The following PRKCE variants were observed in gnomAD, a reference collection of about 807,000 sequenced individuals.
PRKCE encodes protein kinase C epsilon type.
In PRKCE, 16 loss-of-function variants were observed where a neutral mutation model predicts 85.4. The observed-to-expected ratio is 0.19, with a 90% confidence interval of 0.13 to 0.28. The LOEUF (loss-of-function observed/expected upper bound fraction) is 0.28. Ranked by LOEUF, PRKCE falls within the 10% of genes least tolerant of loss-of-function variation. The pLI is 1.00. For synonymous variants in PRKCE, 388 were observed against 371.5 expected (o/e 1.04, Z -0.51); for missense variants, 573 against 975.2 (o/e 0.59, Z 5.49).
chr2:45,741,155 G>A (rs537910630), intron 1 of PRKCE, among the ~76,000 whole-genome samples: 425 of 152,252 alleles, frequency 2.8e-3, no homozygotes, highest in African/African-American at 9.8e-3. Flanking sequence ...TGCTTCTATC[G>A]GTGCCTGTAA....
At chr2:45,842,729 A>T (rs566533219) in intron 1 of PRKCE, among the ~76,000 whole-genome samples, 218 of 152,284 alleles carry the variant, frequency 1.4e-3, no homozygotes, top group African/African-American at 5.0e-3. Flanking sequence ...CTCTCTCTCC[A>T]ATCATGGCAA....
chr2:45,763,054 C>T (rs56381758), intron 1 of PRKCE, among the ~76,000 whole-genome samples: 24,080 of 151,852 alleles, frequency 0.16, 2,379 homozygotes, highest in Middle Eastern at 0.27. Context: ...TGGGTTCACA[C>T]CATTCTCCTG....
intron 2 of PRKCE, among the ~76,000 whole-genome samples, chr2:45,844,867 A>C (rs1393342505): frequency 6.6e-6 from 1 of 151,964 alleles, no homozygotes; most frequent in Non-Finnish European, 1.5e-5. Context: ...GAAGCAATTG[A>C]TTTTTTTCTG....
At chr2:46,045,263 G>A (rs1404093645) in intron 10 of PRKCE, among the ~76,000 whole-genome samples, 1 of 152,226 alleles carries the variant, frequency 6.6e-6, no homozygotes, top group East Asian at 1.9e-4. Context: ...CCTCATGTGT[G>A]AATAAGTTGG....
chr2:45,866,780 C>T lies in PRKCE; in HGVS notation c.412+23717C>T, dbSNP rs889025860. ...TTTCAAGTGCTCAATAGTCAACATGCGTCCAGGGGCTGCCATACTGCACAG... is the reference window on the plus strand; with the variant it reads ...TTTCAAGTGCTCAATAGTCAACATGTGTCCAGGGGCTGCCATACTGCACAG... On this transcript the variant is annotated intron_variant, in intron 2 of 14. Transcript: ENST00000306156. 3.9e-5 allele frequency among the ~76,000 whole-genome samples: 6 copies of T among 152,236 alleles called. No homozygotes were observed. The East Asian group carries it at 5.8e-4, about 15-fold the overall frequency.
chr2:46,058,797 G>A (rs1203024075), intron 10 of PRKCE, among the ~76,000 whole-genome samples: 6 of 152,168 alleles, frequency 3.9e-5, no homozygotes, highest in Admixed American at 3.9e-4. Flanking sequence ...CTAGGTTCAA[G>A]TGATTCTCCC....
intron 6 of PRKCE, among the ~76,000 whole-genome samples, chr2:45,998,476 C>G (rs1296800698): frequency 6.6e-6 from 1 of 152,056 alleles, no homozygotes; most frequent in African/African-American, 2.4e-5. Flanking sequence ...AGCTTTTCTG[C>G]TTTTTTGGGT....
intron 2 of PRKCE, among the ~76,000 whole-genome samples, chr2:45,872,266 G>A (rs1012714329): frequency 6.6e-6 from 1 of 152,118 alleles, no homozygotes; most frequent in African/African-American, 2.4e-5. Flanking sequence ...CATCACGTTG[G>A]GCAGAGAAAA....
chr2:45,678,016 A>G (rs903391616), intron 1 of PRKCE: 7 of 514,416 alleles, frequency 1.4e-5, no homozygotes, highest in Admixed American at 6.4e-5. Flanking sequence ...TTAGAACCCA[A>G]TCGAAGAAGT....
At chr2:46,016,777 C>T (rs1205301994) in intron 10 of PRKCE, among the ~76,000 whole-genome samples, 2 of 151,716 alleles carry the variant, frequency 1.3e-5, no homozygotes, top group South Asian at 2.1e-4. Context: ...GACACGGTGG[C>T]GGGCACCTGT....
intron 10 of PRKCE, among the ~76,000 whole-genome samples, chr2:46,057,322 G>C (rs1015393853): frequency 1.2e-4 from 18 of 152,076 alleles, no homozygotes; most frequent in Non-Finnish European, 1.5e-4. Context: ...GAGAAAATTT[G>C]TTCTTCTTCC....
rs1284332046 is a variant in PRKCE at position 46,148,560 on chromosome 2, C to T, written c.1732-2481C>T. 2.0e-5 allele frequency among the ~76,000 whole-genome samples: 3 copies of T among 152,178 alleles called. No individual in the cohort carries two copies. In the East Asian group the frequency reaches 5.8e-4, roughly 29 times the overall value. ...GCAGCCACTGTAGCACCCAGTGTGC[C>T]CTGAGGCTAGAAGAGAAGGGAGCAT... On this transcript the variant is annotated intron_variant, in intron 12 of 14. Coordinates refer to ENST00000306156, the MANE Select transcript of PRKCE (RefSeq NM_005400.3).
intron 11 of PRKCE, among the ~76,000 whole-genome samples, chr2:46,134,225 C>G (rs1674735632): frequency 6.6e-6 from 1 of 152,180 alleles, no homozygotes; most frequent in African/African-American, 2.4e-5. Context: ...TATTGAGACA[C>G]TGGGATGCAT....
intron 11 of PRKCE, among the ~76,000 whole-genome samples, chr2:46,122,293 G>A (rs1244951672): frequency 5.3e-5 from 8 of 152,046 alleles, no homozygotes; most frequent in Admixed American, 1.3e-4. Context: ...GTGCAGTGGC[G>A]TGATCTTGGC....
intron 10 of PRKCE, among the ~76,000 whole-genome samples, chr2:46,079,175 C>CAA (rs11452307): frequency 0.044 from 5,577 of 126,122 alleles, 208 homozygotes; most frequent in African/African-American, 0.1. Context: ...GACTCTGTCT[C>CAA]AAAAAAAAAA....
At chr2:46,022,008 G>C (rs1037130862) in intron 10 of PRKCE, among the ~76,000 whole-genome samples, 3 of 152,028 alleles carry the variant, frequency 2.0e-5, no homozygotes, top group Non-Finnish European at 4.4e-5. Flanking sequence ...TGTCCTAGTG[G>C]TCTGAAATAC....
At chr2:46,093,835 T>C (rs986002803) in intron 11 of PRKCE, among the ~76,000 whole-genome samples, 2 of 152,116 alleles carry the variant, frequency 1.3e-5, no homozygotes, top group African/African-American at 4.8e-5. Flanking sequence ...CAACCTCCCA[T>C]CCTCTCAATA....
chr2:45,700,547 G>C (rs1427301091), intron 1 of PRKCE: 3 of 152,098 alleles, frequency 2.0e-5, no homozygotes, highest in East Asian at 3.9e-4. Flanking sequence ...AGATATTCAA[G>C]TCTGTGCTTC....
chr2:45,779,946 T>C (rs1686052969), intron 1 of PRKCE, among the ~76,000 whole-genome samples: 1 of 152,228 alleles, frequency 6.6e-6, no homozygotes, highest in Non-Finnish European at 1.5e-5. Flanking sequence ...CATTTATCAA[T>C]ACATAATCAA....
Sources: allele counts gnomAD v4.1 joint callset (sites outside exome capture counted in the v4.1 genomes callset), GRCh38; gene constraint gnomAD v4.1.1; transcripts MANE v1.5; gene names NCBI Gene and HGNC (gene_info 2026-07-23, HGNC 2026-07-21).